The following PCBP2 variants were observed in gnomAD, a reference collection of about 807,000 sequenced individuals.
The protein encoded by PCBP2 is poly(rC)-binding protein 2.
In PCBP2, 4 loss-of-function variants were observed where a neutral mutation model predicts 50.1. The ratio of observed to expected loss-of-function variants is 0.08; its 90% CI spans 0.04 to 0.18. PCBP2 has a LOEUF of 0.18. PCBP2 is among the 10% of genes least tolerant of loss of function. The probability of loss-of-function intolerance (pLI) is 1.00; values close to 1 mark genes in which losing one functional copy is unlikely to be tolerated. For synonymous variants in PCBP2, 179 were observed against 168.0 expected, an observed-to-expected ratio of 1.07 and a Z score of -0.51; for missense variants, 161 against 474.3, an observed-to-expected ratio of 0.34 and a Z score of 6.14.
At chr12:53,453,158 A>C (rs1450724937) in intron 1 of PCBP2, 1 of 149,586 alleles carries the variant, frequency 6.7e-6, no homozygotes, top group African/African-American at 2.5e-5. Context: ...TTAGAAATGC[A>C]TCTTTGTACT....
At chr12:53,465,369 C>T (rs1941746290) in intron 9 of PCBP2, among the ~76,000 whole-genome samples, 1 of 152,088 alleles carries the variant, frequency 6.6e-6, no homozygotes, top group Non-Finnish European at 1.5e-5. Context: ...GGAATTAGAA[C>T]CCAGTGGTTT....
At chr12:53,453,151 G>C (rs919742827) in intron 1 of PCBP2, 2 of 151,590 alleles carry the variant, frequency 1.3e-5, no homozygotes, top group African/African-American at 4.8e-5. Context: ...TTTGGAGTTA[G>C]AAATGCATCT....
intron 5 of PCBP2, among the ~76,000 whole-genome samples, chr12:53,457,964 T>C (rs1941158675): frequency 6.6e-6 from 1 of 152,214 alleles, no homozygotes; most frequent in South Asian, 2.1e-4. Flanking sequence ...GTTTCCTCCT[T>C]GTCGCCCAGG....
At position 53,467,852 on chromosome 12, in the gene PCBP2, T is replaced by TAA. The variant is rs138035823; in HGVS notation, c.826+21_826+22dup. 8.7e-5 allele frequency: 119 copies of TAA among 1,371,758 alleles called. No homozygotes were observed. The highest frequency in any genetic ancestry group is 1.1e-4 in the Non-Finnish European group (105 of 990,654). 85.0% of individuals were successfully genotyped at this position (1,371,758 alleles called of 1,614,324 possible). ...GGTGAAAGGCTATTGGGGTAATGAT[T>TAA]AAAAAAAAAAAAATCTGTAGTATTC... On this transcript the variant is annotated intron_variant, in intron 12 of 14. Coordinates refer to ENST00000546463, the MANE Select transcript of PCBP2 (RefSeq NM_031989.5).
chr12:53,468,899 C>A, intron 13 of PCBP2, 67 bp downstream of exon 13: 96 of 1,010,074 alleles, frequency 9.5e-5, no homozygotes, highest in Non-Finnish European at 1.3e-4. Context: ...GATGTCGTTT[C>A]AGCAGTGTCC....
chr12:53,477,322 T>G (rs1366522958), intron 14 of PCBP2, among the ~76,000 whole-genome samples: 2 of 152,114 alleles, frequency 1.3e-5, no homozygotes, highest in African/African-American at 4.8e-5. Context: ...TTACCTTTCC[T>G]TAGATCATTG....
chr12:53,464,600 T>G (rs1019051253), intron 8 of PCBP2, 160 bp from the exon 9 acceptor site: 8 of 1,023,632 alleles, frequency 7.8e-6, no homozygotes, highest in Non-Finnish European at 1.1e-5. Context: ...GGTAACTTTT[T>G]TTTTTAATTC....
chr12:53,465,603 G>T (rs1011759426), intron 9 of PCBP2, among the ~76,000 whole-genome samples: 1 of 152,184 alleles, frequency 6.6e-6, no homozygotes, highest in African/African-American at 2.4e-5. Flanking sequence ...TTGTATACAG[G>T]GAGGAAGAGT....
chr12:53,476,329 A>G (rs1290717749), intron 14 of PCBP2, among the ~76,000 whole-genome samples: 3 of 152,206 alleles, frequency 2.0e-5, no homozygotes, highest in Non-Finnish European at 4.4e-5. Flanking sequence ...TTTACAGATT[A>G]AAAAATAGAG....
chr12:53,475,160 C>G (rs768783965), intron 14 of PCBP2: 2 of 456,540 alleles, frequency 4.4e-6, no homozygotes, highest in Admixed American at 2.3e-5. Flanking sequence ...CCACCTCTGC[C>G]GTGCCATGTG....
intron 4 of PCBP2, 73 bp downstream of exon 4, chr12:53,455,566 C>T (rs1054795838): frequency 2.0e-6 from 3 of 1,499,146 alleles, no homozygotes; most frequent in Non-Finnish European, 2.8e-6. Flanking sequence ...AATTCTTTTT[C>T]AGAAATTAGG....
Position 53,461,148 on chromosome 12 carries a change from G to A in PCBP2, c.504+5G>A, listed in dbSNP as rs747426326. ...ATCTGCGTGGTCATGTTGGAGGTAA[G>A]CCCTCAGGCTCATGCTGAAAATGGG... On this transcript the variant is annotated splice_donor_5th_base_variant and intron_variant, in intron 7 of 14. Transcript: ENST00000546463. The A allele has an allele frequency of 1.9e-6, 3 of 1,613,486 alleles. No individual in the cohort carries two copies. Among genetic ancestry groups the A allele is most frequent in the African/African-American group, 1.3e-5 (1 of 74,888 alleles).
intron 6 of PCBP2, 73 bp from the exon 7 acceptor site, chr12:53,460,942 G>A (rs1941409573): frequency 4.5e-6 from 7 of 1,544,104 alleles, no homozygotes; most frequent in Non-Finnish European, 6.2e-6. Flanking sequence ...TTTAGGCTCT[G>A]AAATTGCTGC....
chr12:53,477,481 C>G (rs914027591), intron 14 of PCBP2, among the ~76,000 whole-genome samples: 1 of 151,768 alleles, frequency 6.6e-6, no homozygotes, highest in African/African-American at 2.4e-5. Flanking sequence ...CTGGCTAACA[C>G]AGTGAAACCC....
intron 5 of PCBP2, among the ~76,000 whole-genome samples, chr12:53,458,582 C>G (rs922161914): frequency 6.6e-6 from 1 of 151,818 alleles, no homozygotes; most frequent in East Asian, 1.9e-4. Context: ...ACTGGGATTA[C>G]AGGCATGAGC....
chr12:53,466,336 A>C (rs558585263), intron 10 of PCBP2, among the ~76,000 whole-genome samples: 2 of 152,238 alleles, frequency 1.3e-5, no homozygotes, highest in South Asian at 4.1e-4. Context: ...CTTTTCCATG[A>C]GGGTAATGGG....
chr12:53,474,898 C>A, intron 14 of PCBP2: 1 of 438,308 alleles, frequency 2.3e-6, no homozygotes, highest in South Asian at 1.6e-5. Context: ...TCCTCCCAGG[C>A]AGCCTCCGTC....
chr12:53,461,501 A>G (rs1332062827), intron 7 of PCBP2, among the ~76,000 whole-genome samples: 2 of 152,202 alleles, frequency 1.3e-5, no homozygotes, highest in Non-Finnish European at 2.9e-5. Context: ...GAAATTTGAC[A>G]TGTTCTTTAA....
At chr12:53,466,563 C>T (rs57876976) in intron 10 of PCBP2, among the ~76,000 whole-genome samples, 10 of 152,284 alleles carry the variant, frequency 6.6e-5, no homozygotes, top group African/African-American at 2.4e-4. Context: ...TTTATCCTTA[C>T]TAACCTTTTC....
Sources: gnomAD v4.1 joint callset for allele counts (sites outside exome capture counted in the v4.1 genomes callset) on GRCh38, gnomAD v4.1.1 for gene constraint, MANE v1.5 for transcripts, NCBI Gene and HGNC (gene_info 2026-07-23, HGNC 2026-07-21) for gene names.